Variants in TSGA10 observed in about 807,000 individuals in gnomAD.
TSGA10 encodes testis-specific gene 10 protein.
Under a neutral mutation model 96.6 loss-of-function variants are expected in TSGA10, and 43 were observed. The observed-to-expected ratio is 0.44, with a 90% confidence interval of 0.35 to 0.57. The LOEUF (loss-of-function observed/expected upper bound fraction) is 0.57. TSGA10 is among the 20% of genes least tolerant of loss of function. TSGA10 has a pLI of 0.01. For missense variants in TSGA10, 703 were observed against 834.4 expected, an observed-to-expected ratio of 0.84 and a Z score of 1.94; for synonymous variants, 229 against 269.9, an observed-to-expected ratio of 0.85 and a Z score of 1.48.
chr2:99,145,424 T>G (rs189480455), intron 1 of TSGA10, among the ~76,000 whole-genome samples: 603 of 152,144 alleles, frequency 4.0e-3, no homozygotes, highest in Non-Finnish European at 6.3e-3. Context: ...CTGATCGTGG[T>G]GGCAGGCACC....
chr2:99,140,708 C>A (rs1420570814), intron 1 of TSGA10, among the ~76,000 whole-genome samples: 1 of 152,122 alleles, frequency 6.6e-6, no homozygotes, highest in Non-Finnish European at 1.5e-5. Flanking sequence ...CAGAAATGAG[C>A]GATCGGGAGT....
At chr2:99,003,984 C>T (rs1024827693) in intron 20 of TSGA10, among the ~76,000 whole-genome samples, 1 of 152,102 alleles carries the variant, frequency 6.6e-6, no homozygotes, top group Non-Finnish European at 1.5e-5. Flanking sequence ...ATAAAAAACC[C>T]TTCAAAAAAT....
intron 20 of TSGA10, among the ~76,000 whole-genome samples, chr2:99,003,043 G>A (rs983413110): frequency 6.6e-6 from 1 of 152,012 alleles, no homozygotes; most frequent in African/African-American, 2.4e-5. Flanking sequence ...ATTTTTAGTA[G>A]AGACAGGGTT....
chr2:99,147,444 C>A, intron 1 of TSGA10: 2 of 1,613,206 alleles, frequency 1.2e-6, no homozygotes, highest in Non-Finnish European at 1.7e-6. Flanking sequence ...CCAAAGAGGC[C>A]CCCAATAGAC....
chr2:99,073,308 G>C (rs772756953), intron 12 of TSGA10, among the ~76,000 whole-genome samples: 9 of 152,074 alleles, frequency 5.9e-5, no homozygotes, highest in Non-Finnish European at 7.4e-5. Context: ...GTAATTATGA[G>C]ATCAGTATAT....
At chr2:99,034,295 G>A (rs763106752) in intron 17 of TSGA10, among the ~76,000 whole-genome samples, 2 of 151,876 alleles carry the variant, frequency 1.3e-5, no homozygotes, top group Non-Finnish European at 2.9e-5. Context: ...CCAGCTACTC[G>A]GGAGGCTGAG....
At chr2:99,089,609 G>C (rs1043871322) in intron 10 of TSGA10, among the ~76,000 whole-genome samples, 2 of 152,110 alleles carry the variant, frequency 1.3e-5, no homozygotes, top group Non-Finnish European at 2.9e-5. Flanking sequence ...GGTTGCATGG[G>C]AGCTGGGTGA....
intron 2 of TSGA10, among the ~76,000 whole-genome samples, chr2:99,123,705 C>T (rs1183852208): frequency 2.0e-5 from 3 of 152,148 alleles, no homozygotes; most frequent in Non-Finnish European, 4.4e-5. Flanking sequence ...CCATAATTTG[C>T]CTATTCTAGG....
Position 99,073,051 on chromosome 2 carries a change from T to C in TSGA10, c.905A>G (p.Lys302Arg). The change falls in exon 13 of 21, where the codon AAG (lysine) becomes AGG (arginine). Residue 302 changes from lysine to arginine, a missense_variant. Lys to Arg is a conservative substitution (Grantham distance 26). This residue lies in a region of TSGA10 where 585 missense variants were observed against 656.8 expected (regional missense o/e 0.89). Transcript: ENST00000393483. ...CTGTTCCATCTCAGCAATGATATTCTTCATGCCTGAAATGGTCTTTTCCTT... is the reference window on the plus strand; with the variant it reads ...CTGTTCCATCTCAGCAATGATATTCCTCATGCCTGAAATGGTCTTTTCCTT... Reference protein sequence around the residue: ...AMKEKTISGMKNIIAEMEQAS... With the variant: ...AMKEKTISGMRNIIAEMEQAS... 6.2e-7 allele frequency: 1 copy of C among 1,607,314 alleles called. No homozygotes were observed. Among genetic ancestry groups the C allele is most frequent in the Non-Finnish European group, 8.5e-7 (1 of 1,175,180 alleles).
intron 15 of TSGA10, among the ~76,000 whole-genome samples, chr2:99,067,350 T>C (rs958371657): frequency 6.6e-6 from 1 of 152,216 alleles, no homozygotes; most frequent in African/African-American, 2.4e-5. Context: ...CATAAACAAA[T>C]TCATACTAGG....
At chr2:99,122,502 G>T (rs979200755) in intron 2 of TSGA10, among the ~76,000 whole-genome samples, 1 of 151,200 alleles carries the variant, frequency 6.6e-6, no homozygotes, top group East Asian at 1.9e-4. Flanking sequence ...AATTTGAATC[G>T]GAGTAGTGGC....
intron 17 of TSGA10, among the ~76,000 whole-genome samples, chr2:99,031,055 A>G (rs1471005515): frequency 1.3e-5 from 2 of 152,040 alleles, no homozygotes; most frequent in African/African-American, 4.8e-5. Context: ...AAAAAAAAAG[A>G]ATAAAGCAGA....
intron 10 of TSGA10, chr2:99,102,406 C>T: frequency 1.2e-6 from 2 of 1,613,782 alleles, no homozygotes; most frequent in Non-Finnish European, 1.7e-6. Flanking sequence ...GTGTCATTTA[C>T]AGGAAAACAA....
chr2:99,007,397 T>A (rs2078598470), intron 20 of TSGA10, among the ~76,000 whole-genome samples: 1 of 152,128 alleles, frequency 6.6e-6, no homozygotes, highest in Non-Finnish European at 1.5e-5. Context: ...AAAATGCAGT[T>A]ACTCAAAAAA....
In TSGA10 at chr2:99,109,396, G is replaced by C; in HGVS notation, c.44C>G (p.Thr15Ser). The change falls in exon 6 of 21, where the codon ACT becomes AGT. Residue 15 changes from threonine (T) to serine (S), a missense_variant. Around this residue, in one of 3 missense-constraint regions of TSGA10, gnomAD observed 585 missense variants for 656.8 expected, o/e 0.89. Transcript: ENST00000393483. ...TAAGTTTATAAAACCTACCCGGGCA[G>C]TTGGTGATGGGCGTCTTGGACTTTT... is the stretch of plus-strand genomic sequence containing the variant. Reference protein sequence around the residue: ...RSKSPRRPSPTARGANCDVEL... With the variant: ...RSKSPRRPSPSARGANCDVEL... 1 of 1,614,010 alleles carries C rather than the reference G, an allele frequency of 6.2e-7. No homozygotes were observed.
At position 99,020,501 on chromosome 2, in the gene TSGA10, A is replaced by G. The variant is rs2079900620; in HGVS notation, c.1615-19T>C. On this transcript the variant is annotated intron_variant, in intron 17 of 20. Transcript: ENST00000393483. ...TCTCCCTCTGTTCAATAACAAGAAG[A>G]TATCTACACTTATTCCCATTAATTC... The G allele has an allele frequency of 3.9e-6, 6 of 1,552,362 alleles. No homozygotes were observed. The African/African-American group carries it at 4.1e-5, about 11-fold the overall frequency.
Position 99,020,285 on chromosome 2 carries a change from A to C in TSGA10, c.1812T>G (p.Asn604Lys). ...TATATTGCTAAACAACTCACATTTTATTTTCTGCCAAACAAAGGTGTTCTT... is the reference window on the plus strand; with the variant it reads ...TATATTGCTAAACAACTCACATTTTCTTTTCTGCCAAACAAAGGTGTTCTT... The part of the protein sequence containing the change: ...LLKEHLCLAE[N>K]KMAIQSRDVA... Residue 604 changes from asparagine (N) to lysine (K), a missense_variant, in exon 18 of 21, where the codon AAT (asparagine) becomes AAG (lysine). By Grantham distance (94) the Asn-to-Lys change is moderately conservative. This residue lies in a region of TSGA10 where 49 missense variants were observed against 96.4 expected (regional missense o/e 0.51). Coordinates refer to ENST00000393483, the MANE Select transcript of TSGA10 (RefSeq NM_025244.4). 6.2e-7 allele frequency: 1 copy of C among 1,612,688 alleles called. No homozygotes were observed. Among genetic ancestry groups the C allele is most frequent in the Non-Finnish European group, 8.5e-7 (1 of 1,178,936 alleles).
intron 1 of TSGA10, chr2:99,147,436 A>G: frequency 6.2e-7 from 1 of 1,613,110 alleles, no homozygotes; most frequent in Non-Finnish European, 8.5e-7. Flanking sequence ...ATGCCAGTCC[A>G]AAGAGGCCCC....
intron 10 of TSGA10, among the ~76,000 whole-genome samples, chr2:99,091,633 A>G (rs2089354481): frequency 6.6e-6 from 1 of 152,186 alleles, no homozygotes; most frequent in African/African-American, 2.4e-5. Flanking sequence ...AATGGACACC[A>G]AAAGCAAGCA....
Sources: gnomAD v4.1 joint callset for allele counts (sites outside exome capture counted in the v4.1 genomes callset) on GRCh38, gnomAD v4.1.1 for gene constraint, gnomAD v4.1.1 regional missense constraint, MANE v1.5 for transcripts, NCBI Gene and HGNC (gene_info 2026-07-23, HGNC 2026-07-21) for gene names.